ANKRD18A: variants seen among roughly 807,000 people sequenced by gnomAD.
The protein encoded by ANKRD18A is ankyrin repeat domain 18A, also known as ankyrin repeat domain-containing protein 18A.
In ANKRD18A, 72 loss-of-function variants were observed where a neutral mutation model predicts 110.6. The observed-to-expected ratio is 0.65, with a 90% CI of 0.54 to 0.79. The LOEUF (loss-of-function observed/expected upper bound fraction) is 0.79, where lower values mean the gene tolerates loss of function less well. ANKRD18A is among the 30% of genes least tolerant of loss of function. The pLI is 0.00. For missense variants in ANKRD18A, 934 were observed against 1,163.3 expected (o/e 0.80, Z 2.87); for synonymous variants, 305 against 410.3 (o/e 0.74, Z 3.10).
At chr9:38,582,962 A>G (rs992604491) in intron 12 of ANKRD18A, among the ~76,000 whole-genome samples, 7 of 152,368 alleles carry the variant, frequency 4.6e-5, no homozygotes, top group African/African-American at 1.7e-4. Context: ...AACCCTTGCC[A>G]TTCATAAATA....
Position 38,575,515 on chromosome 9 carries a change from G to C in ANKRD18A, c.2925C>G (p.Asn975Lys), listed in dbSNP as rs1372287073. The change falls in exon 15 of 16, where the codon AAC becomes AAG. Residue 975 changes from asparagine to lysine, a missense_variant. Around this residue, in one of 4 missense-constraint regions of ANKRD18A, gnomAD observed 223 missense variants for 226.7 expected, o/e 0.98. Coordinates refer to ENST00000399703, the MANE Select transcript of ANKRD18A (RefSeq NM_147195.4). ...TCTTGCAGTTATTTGAAGTCTGTGG[G>C]TTTGAAGTAGGAATTCTTATGGCCG... ...PKTAIRIPTSNPQTSNNCKNF... is the reference protein window; with the variant it reads ...PKTAIRIPTSKPQTSNNCKNF... 7 of 1,551,610 alleles carry C rather than the reference G, an allele frequency of 4.5e-6. No individual in the cohort carries two copies. Among genetic ancestry groups the C allele is most frequent in the Non-Finnish European group, 6.1e-6 (7 of 1,146,830 alleles).
chr9:38,592,731 G>A (rs1824707255), intron 10 of ANKRD18A, among the ~76,000 whole-genome samples: 1 of 152,034 alleles, frequency 6.6e-6, no homozygotes, highest in African/African-American at 2.4e-5. Flanking sequence ...CCATGAAATA[G>A]ACTATTATTT....
At chr9:38,566,770 G>T (rs574193793), downstream of ANKRD18A, 1 of 152,322 alleles carries the variant, frequency 6.6e-6, no homozygotes, top group African/African-American at 2.4e-5. Flanking sequence ...AGAGTCAGTT[G>T]TCTCACACGG....
chr9:38,605,889 A>C (rs1825331270), intron 6 of ANKRD18A, among the ~76,000 whole-genome samples: 1 of 152,172 alleles, frequency 6.6e-6, no homozygotes, highest in Admixed American at 6.5e-5. Flanking sequence ...CTGGGATTAC[A>C]CATGAGCCAC....
At chr9:38,599,528 A>C (rs1435714214) in intron 8 of ANKRD18A, among the ~76,000 whole-genome samples, 1 of 151,612 alleles carries the variant, frequency 6.6e-6, no homozygotes, top group Non-Finnish European at 1.5e-5. Flanking sequence ...GCAATGGCAT[A>C]ATCTTGGCTC....
intron 8 of ANKRD18A, among the ~76,000 whole-genome samples, chr9:38,596,961 T>C (rs1824909224): frequency 1.3e-5 from 2 of 152,158 alleles, no homozygotes; most frequent in South Asian, 4.1e-4. Flanking sequence ...TCTACATACA[T>C]ACATTGATGA....
chr9:38,620,508 C>A lies in ANKRD18A; in HGVS notation c.-223G>T. 7.1e-7 allele frequency: 1 copy of A among 1,411,152 alleles called. No individual in the cohort carries two copies. The highest frequency in any genetic ancestry group is 9.2e-7 in the Non-Finnish European group (1 of 1,083,556). 87.4% of individuals were successfully genotyped at this position (1,411,152 alleles called of 1,614,324 possible). On this transcript the variant is annotated 5_prime_UTR_variant, in exon 1 of 16. Coordinates refer to ENST00000399703, the MANE Select transcript of ANKRD18A (RefSeq NM_147195.4). The stretch of plus-strand genomic sequence containing the variant: ...CACCACAGCCTTCAGCAGCGACACT[C>A]GCAGACTCCGACCTCTCAGACCGAG...
chr9:38,568,631 AGGT>A (rs1299011095), downstream of ANKRD18A: 5 of 746,960 alleles, frequency 6.7e-6, no homozygotes, highest in African/African-American at 9.8e-5. Flanking sequence ...ACCCTTGCAG[AGGT>A]GGCTGGTTGC....
intron 10 of ANKRD18A, among the ~76,000 whole-genome samples, chr9:38,592,212 G>A (rs1235497425): frequency 2.0e-5 from 3 of 152,208 alleles, no homozygotes; most frequent in Admixed American, 1.3e-4. Context: ...TCTCAAAGAA[G>A]TAATTGGTAG....
intron 11 of ANKRD18A, among the ~76,000 whole-genome samples, chr9:38,587,633 A>C (rs1341822131): frequency 6.6e-6 from 1 of 152,212 alleles, no homozygotes; most frequent in Non-Finnish European, 1.5e-5. Flanking sequence ...TTAAAGAAGG[A>C]CACAAATAGG....
chr9:38,570,595 C>T (rs1277669583), downstream of ANKRD18A, among the ~76,000 whole-genome samples: 1 of 152,242 alleles, frequency 6.6e-6, no homozygotes, highest in East Asian at 1.9e-4. Flanking sequence ...GATCAGGTCC[C>T]AACTGACCAG....
chr9:38,586,076 A>G, intron 12 of ANKRD18A, 107 bp downstream of exon 12: 1 of 1,202,694 alleles, frequency 8.3e-7, no homozygotes, highest in Non-Finnish European at 1.1e-6. Flanking sequence ...TGATGCATTG[A>G]TACGTGCAGC....
chr9:38,613,375 T>C (rs1210425534), intron 3 of ANKRD18A, among the ~76,000 whole-genome samples: 1 of 152,148 alleles, frequency 6.6e-6, no homozygotes, highest in Non-Finnish European at 1.5e-5. Context: ...CTATAGCTCT[T>C]GTGTTTTTAT....
At chr9:38,607,393 G>C in intron 6 of ANKRD18A, 33 bp downstream of exon 6, 1 of 1,443,240 alleles carries the variant, frequency 6.9e-7, no homozygotes, top group Non-Finnish European at 9.3e-7. Context: ...AGATCACCAA[G>C]GGAAATGAGA....
chr9:38,597,191 T>C (rs1049588371), intron 8 of ANKRD18A, among the ~76,000 whole-genome samples: 1 of 152,146 alleles, frequency 6.6e-6, no homozygotes, highest in African/African-American at 2.4e-5. Flanking sequence ...AATAGCCAGA[T>C]TGAGAGGATG....
chr9:38,603,196 C>T lies in ANKRD18A; in HGVS notation c.825G>A (p.Lys275=), dbSNP rs1450844868. Residue 275 remains lysine, a synonymous_variant, in exon 7 of 16, where the codon AAG becomes AAA. Transcript: ENST00000399703. ...CTTTTCTTTTTTTCAAATTTGCAGGCTTCATAGCTGCTGTTTCTGTCAAAC... is the reference window on the plus strand; with the variant it reads ...CTTTTCTTTTTTTCAAATTTGCAGGTTTCATAGCTGCTGTTTCTGTCAAAC... ...RNDNQETAAM[K]PANLKKRKER... 1.9e-6 allele frequency: 3 copies of T among 1,551,068 alleles called. No homozygotes were observed. Among genetic ancestry groups the T allele is most frequent in the Admixed American group, 3.9e-5 (2 of 50,970 alleles).
At chr9:38,591,066 C>T (rs1191393726) in intron 10 of ANKRD18A, among the ~76,000 whole-genome samples, 1 of 152,048 alleles carries the variant, frequency 6.6e-6, no homozygotes, top group African/African-American at 2.4e-5. Context: ...GCTCAAGCGA[C>T]CCTCCTACCA....
chr9:38,619,120 C>A (rs1175107358), intron 1 of ANKRD18A, among the ~76,000 whole-genome samples: 1 of 151,820 alleles, frequency 6.6e-6, no homozygotes. Flanking sequence ...TTTCAGAATG[C>A]CTGCTTGCGA....
chr9:38,583,110 T>A (rs2118693636), intron 12 of ANKRD18A, among the ~76,000 whole-genome samples: 1 of 152,334 alleles, frequency 6.6e-6, no homozygotes, highest in South Asian at 2.1e-4. Context: ...CAAAACCACC[T>A]TGTGGTATCA....
Sources: gnomAD v4.1 joint callset for allele counts (sites outside exome capture counted in the v4.1 genomes callset) on GRCh38, gnomAD v4.1.1 for gene constraint, gnomAD v4.1.1 regional missense constraint, MANE v1.5 for transcripts, NCBI Gene and HGNC (gene_info 2026-07-23, HGNC 2026-07-21) for gene names.